IKZF3: variants seen among roughly 807,000 people sequenced by gnomAD.
IKZF3 encodes the protein IKAROS family zinc finger 3.
Under a neutral mutation model 49.0 loss-of-function variants are expected in IKZF3, and 10 were observed. The ratio of observed to expected loss-of-function variants is 0.20; its 90% CI spans 0.13 to 0.35. IKZF3 has a LOEUF of 0.35. Among genes scored for constraint, IKZF3 ranks in the 10% least tolerant of loss-of-function variants. The pLI, the probability that IKZF3 is intolerant of heterozygous loss-of-function variation, is 1.00. For synonymous variants in IKZF3, 209 were observed against 228.2 expected (o/e 0.92, Z 0.76); for missense variants, 498 against 664.8 (o/e 0.75, Z 2.76).
At chr17:39,793,728 G>A (rs1300384746) in intron 3 of IKZF3, among the ~76,000 whole-genome samples, 1 of 152,224 alleles carries the variant, frequency 6.6e-6, no homozygotes, top group Non-Finnish European at 1.5e-5. Flanking sequence ...CTGGATAGGA[G>A]AGGAGGGACT....
At chr17:39,844,630 G>A (rs2144433030) in intron 1 of IKZF3, among the ~76,000 whole-genome samples, 1 of 151,584 alleles carries the variant, frequency 6.6e-6, no homozygotes, top group African/African-American at 2.4e-5. Flanking sequence ...ACAGAGTCTT[G>A]TTTTTTTATT....
chr17:39,832,926 C>A (rs1432677778), intron 1 of IKZF3, among the ~76,000 whole-genome samples: 1 of 152,014 alleles, frequency 6.6e-6, no homozygotes, highest in Non-Finnish European at 1.5e-5. Context: ...ATAAACATTC[C>A]AAATTCCCTG....
intron 6 of IKZF3, 65 bp from the exon 7 acceptor site, chr17:39,777,832 A>G: frequency 6.3e-7 from 1 of 1,581,188 alleles, no homozygotes; most frequent in Non-Finnish European, 8.6e-7. Flanking sequence ...AGAAAAGGAA[A>G]TAAACTGGAA....
intron 1 of IKZF3, among the ~76,000 whole-genome samples, chr17:39,832,444 TC>T (rs1445611357): frequency 1.3e-5 from 2 of 151,578 alleles, no homozygotes; most frequent in Non-Finnish European, 1.5e-5. Context: ...TCTTTATTCT[TC>T]CCCAATATTT....
At chr17:39,776,317 T>C (rs1447584338) in intron 7 of IKZF3, among the ~76,000 whole-genome samples, 1 of 152,230 alleles carries the variant, frequency 6.6e-6, no homozygotes, top group East Asian at 1.9e-4. Flanking sequence ...AGCTTTCTTT[T>C]GTACTCCAGT....
Position 39,808,063 on chromosome 17 carries a change from C to T in IKZF3, c.164-15130G>A, listed in dbSNP as rs185694421. Reference sequence around the variant, plus strand: ...TTAAAAAGAAATCTATACAGATAAACAAAACAAAATAAAATTGATAGCTCT... The same window carrying T: ...TTAAAAAGAAATCTATACAGATAAATAAAACAAAATAAAATTGATAGCTCT... On this transcript the variant is annotated intron_variant, in intron 3 of 7. Coordinates refer to ENST00000346872, the MANE Select transcript of IKZF3 (RefSeq NM_012481.5). 3.9e-5 allele frequency among the ~76,000 whole-genome samples: 6 copies of T among 152,082 alleles called. No individual in the cohort carries two copies. In the East Asian group the frequency reaches 1.2e-3, roughly 29 times the overall value.
intron 3 of IKZF3, among the ~76,000 whole-genome samples, chr17:39,816,654 A>C (rs1236858532): frequency 6.6e-6 from 1 of 152,268 alleles, no homozygotes; most frequent in Non-Finnish European, 1.5e-5. Flanking sequence ...ACTGTAAAAA[A>C]TTACCACAAT....
intron 1 of IKZF3, among the ~76,000 whole-genome samples, chr17:39,854,023 G>A (rs1003111164): frequency 2.0e-5 from 3 of 152,142 alleles, no homozygotes; most frequent in African/African-American, 7.2e-5. Context: ...CTACTCAGGA[G>A]GCTGAGGCAG....
At chr17:39,812,011 TA>T (rs2061571329) in intron 3 of IKZF3, among the ~76,000 whole-genome samples, 1 of 152,232 alleles carries the variant, frequency 6.6e-6, no homozygotes, top group African/African-American at 2.4e-5. Flanking sequence ...GGATAGGAAG[TA>T]ATTGCTTCAA....
chr17:39,859,302 T>C (rs2063152141), intron 1 of IKZF3, among the ~76,000 whole-genome samples: 1 of 151,560 alleles, frequency 6.6e-6, no homozygotes, highest in Non-Finnish European at 1.5e-5. Flanking sequence ...ATATATATTA[T>C]AAATAAATTA....
Position 39,798,756 on chromosome 17 carries a change from C to T in IKZF3, c.164-5823G>A, listed in dbSNP as rs145416094. Among the ~76,000 whole-genome samples, 1,052 of 152,228 alleles carry T rather than the reference C, an allele frequency of 6.9e-3. 14 individuals carry two copies. Among genetic ancestry groups the T allele is most frequent in the African/African-American group, 0.024 (1,005 of 41,536 alleles). On this transcript the variant is annotated intron_variant, in intron 3 of 7. Transcript: ENST00000346872. ...TCCTGACCTCGTGATCCGCCGGCCT[C>T]GGCCTCCCAAAGTGCTGGGATTACA...
At chr17:39,767,286 TAC>T (rs2060318564) in intron 7 of IKZF3, among the ~76,000 whole-genome samples, 2 of 152,206 alleles carry the variant, frequency 1.3e-5, no homozygotes. Context: ...CACCCTCTCC[TAC>T]TTCTCATGTC....
chr17:39,779,653 G>GT lies in IKZF3; in HGVS notation c.710-1887dup, dbSNP rs56915530. 3.6e-5 allele frequency among the ~76,000 whole-genome samples: 5 copies of GT among 138,390 alleles called. No homozygotes were observed. The East Asian group carries it at 6.1e-4, about 17-fold the overall frequency. The allele number at this position is 138,390 out of a possible 152,430, so 90.8% of individuals were successfully genotyped here. A position where few individuals can be genotyped will look rare whatever the true frequency, so the allele number is the denominator to read the frequency against. The stretch of plus-strand genomic sequence containing the variant: ...CTCTATGTTATATTCTTTGTTTTTT[G>GT]TTTTTTTTTTTTCTGTTCCACGGCC... On this transcript the variant is annotated intron_variant, in intron 6 of 7. Coordinates refer to ENST00000346872, the MANE Select transcript of IKZF3 (RefSeq NM_012481.5).
chr17:39,792,975 T>C (rs2061067199), intron 3 of IKZF3, 42 bp from the exon 4 acceptor site: 6 of 1,595,122 alleles, frequency 3.8e-6, no homozygotes, highest in African/African-American at 1.3e-5. Flanking sequence ...CGACTATACT[T>C]GAAGCTATCA....
intron 5 of IKZF3, among the ~76,000 whole-genome samples, chr17:39,790,331 A>G (rs1015461799): frequency 6.6e-6 from 1 of 151,162 alleles, no homozygotes; most frequent in African/African-American, 2.5e-5. Context: ...AAAAGGCAAC[A>G]GTAGAGAACT....
At chr17:39,773,564 T>C (rs2060497998) in intron 7 of IKZF3, among the ~76,000 whole-genome samples, 1 of 152,224 alleles carries the variant, frequency 6.6e-6, no homozygotes, top group Non-Finnish European at 1.5e-5. Context: ...AGATCTTTTT[T>C]TCATGTTCTT....
rs2061180067 is a variant in IKZF3 at position 39,796,941 on chromosome 17, G to T, written c.164-4008C>A. Among the ~76,000 whole-genome samples the T allele has an allele frequency of 1.3e-5, 2 of 151,164 alleles. 1 individual carries two copies. Among genetic ancestry groups the T allele is most frequent in the Admixed American group, 1.3e-4 (2 of 15,226 alleles). ...GCACTTTGGGAGGCCGAGGCGGGTGGATCATGAGGTCAGGAGATCGAGACC... is the reference window on the plus strand; with the variant it reads ...GCACTTTGGGAGGCCGAGGCGGGTGTATCATGAGGTCAGGAGATCGAGACC... On this transcript the variant is annotated intron_variant, in intron 3 of 7. Coordinates refer to ENST00000346872, the MANE Select transcript of IKZF3 (RefSeq NM_012481.5).
At chr17:39,800,220 A>G (rs1470812741) in intron 3 of IKZF3, among the ~76,000 whole-genome samples, 1 of 152,232 alleles carries the variant, frequency 6.6e-6, no homozygotes, top group African/African-American at 2.4e-5. Flanking sequence ...CTTATAATAT[A>G]TATCAGGTTT....
intron 3 of IKZF3, among the ~76,000 whole-genome samples, chr17:39,818,826 C>T (rs1215152140): frequency 1.3e-5 from 2 of 152,182 alleles, no homozygotes; most frequent in African/African-American, 4.8e-5. Context: ...CCACCGCACT[C>T]CAGCCTGGGC....
Sources: allele counts gnomAD v4.1 joint callset (sites outside exome capture counted in the v4.1 genomes callset), GRCh38; gene constraint gnomAD v4.1.1; transcripts MANE v1.5; gene names NCBI Gene and HGNC (gene_info 2026-07-23, HGNC 2026-07-21).